PLA2G4F: variants seen among roughly 807,000 people sequenced by gnomAD.
PLA2G4F encodes cytosolic phospholipase A2 zeta.
A neutral mutation model predicts 103.1 loss-of-function variants in PLA2G4F; 105 were observed. The ratio of observed to expected loss-of-function variants is 1.02; its 90% CI spans 0.87 to 1.20. PLA2G4F has a LOEUF of 1.20. PLA2G4F is among the 50% of genes most tolerant of loss of function. The probability of loss-of-function intolerance (pLI) is 0.00; values close to 1 mark genes in which losing one functional copy is unlikely to be tolerated. For missense variants in PLA2G4F, 1,155 were observed against 1,075.9 expected (o/e 1.07, Z -1.03); for synonymous variants, 468 against 441.1 (o/e 1.06, Z -0.76).
rs1334744330 is a variant in PLA2G4F, at chr15:42,147,657, TCA to T, written c.1163_1164del (p.Val388AspfsTer32). Reference sequence around the variant, plus strand: ...GACCCAGAGACCCCACTCAGGTAGGTCACAGTGTCTAGAAGGCCGAGCTCCTG... The same window carrying T: ...GACCCAGAGACCCCACTCAGGTAGGTCAGTGTCTAGAAGGCCGAGCTCCTG... ...GLQELGLLDT[V>X]TYLSGVSGST... On this transcript the variant is annotated frameshift_variant, in exon 12 of 20. Transcript: ENST00000397272. LOFTEE classifies it high-confidence loss of function. The T allele has an allele frequency of 1.9e-6, 3 of 1,614,060 alleles. No individual in the cohort carries two copies. Among genetic ancestry groups the T allele is most frequent in the Admixed American group, 1.7e-5 (1 of 60,020 alleles).
intron 2 of PLA2G4F, among the ~76,000 whole-genome samples, chr15:42,155,208 C>T (rs2049003615): frequency 6.6e-6 from 1 of 151,886 alleles, no homozygotes; most frequent in Non-Finnish European, 1.5e-5. Flanking sequence ...CACATTTGCA[C>T]TCACACACTC....
Position 42,156,489 on chromosome 15 carries a change from C to A in PLA2G4F, c.61G>T (p.Val21Leu). 6.4e-7 allele frequency: 1 copy of A among 1,565,228 alleles called. No individual in the cohort carries two copies. The highest frequency in any genetic ancestry group is 1.3e-5 in the African/African-American group (1 of 74,082). ...CTCTTCTCTCTCTTCTGAAGCAGCA[C>A]TGCCCCCAGGAGGGGCAGCATCTTG... ...ADKMLPLLGA[V>L]LLQKREKRGP... The change falls in exon 1 of 20, where the codon GTG becomes TTG. Residue 21 changes from valine to leucine, a missense_variant. By Grantham distance (32) the Val-to-Leu change is conservative. Around this residue, in one of 3 missense-constraint regions of PLA2G4F, gnomAD observed 370 missense variants for 364.9 expected, o/e 1.01. Coordinates refer to ENST00000397272, the MANE Select transcript of PLA2G4F (RefSeq NM_213600.4).
chr15:42,148,666 C>T (rs1160060317), intron 11 of PLA2G4F: 2 of 985,260 alleles, frequency 2.0e-6, no homozygotes, highest in East Asian at 2.3e-4. Context: ...CAGCCTAGAC[C>T]TGCCCCCAGG....
intron 2 of PLA2G4F, 97 bp downstream of exon 2, chr15:42,155,420 T>G (rs1226941827): frequency 1.6e-6 from 2 of 1,290,270 alleles, no homozygotes; most frequent in Non-Finnish European, 2.2e-6. Context: ...CCATGTATAC[T>G]CTTACACACA....
At position 42,142,407 on chromosome 15, in the gene PLA2G4F, C is replaced by G. The variant is rs1256042920; in HGVS notation, c.2329+121G>C. 2.3e-6 allele frequency: 3 copies of G among 1,298,674 alleles called. No individual in the cohort carries two copies. The African/African-American group carries it at 4.5e-5, about 19-fold the overall frequency. 80.4% of individuals were successfully genotyped at this position (1,298,674 alleles called of 1,614,324 possible). ...CCAGGGAGCAGAGGGCCACAGGGGC[C>G]AGCTCAGGCCCACCAGGAGGCGTGC... On this transcript the variant is annotated intron_variant, in intron 19 of 19. Transcript: ENST00000397272.
chr15:42,152,504 CTT>C (rs564148155), intron 7 of PLA2G4F, among the ~76,000 whole-genome samples, 182 bp downstream of exon 7: 150 of 152,364 alleles, frequency 9.8e-4, no homozygotes, highest in Non-Finnish European at 1.6e-3. Flanking sequence ...GATACAACCT[CTT>C]TGCTCGAACA....
chr15:42,155,639 C>A (rs2049008197), intron 1 of PLA2G4F, 50 bp from the exon 2 acceptor site: 1 of 1,566,482 alleles, frequency 6.4e-7, no homozygotes, highest in South Asian at 1.1e-5. Context: ...GAGCCTGGTC[C>A]CTCGCCCCAT....
chr15:42,144,209 T>C (rs933366513), intron 17 of PLA2G4F, 65 bp from the exon 18 acceptor site: 1 of 1,518,830 alleles, frequency 6.6e-7, no homozygotes, highest in Non-Finnish European at 8.9e-7. Context: ...ACCGCTTCTG[T>C]ATTTGCATTC....
chr15:42,153,267 C>G (rs1463871347), intron 6 of PLA2G4F, 33 bp downstream of exon 6: 1 of 1,609,730 alleles, frequency 6.2e-7, no homozygotes, highest in African/African-American at 1.3e-5. Flanking sequence ...CCCCCCAGCC[C>G]AGAACAGCGC....
At position 42,154,187 on chromosome 15, in the gene PLA2G4F, T is replaced by A; in HGVS notation, c.355A>T (p.Ile119Phe). Residue 119 changes from isoleucine to phenylalanine, a missense_variant, in exon 4 of 20, where the codon ATC (isoleucine) becomes TTC (phenylalanine). Ile to Phe is a conservative substitution (Grantham distance 21, BLOSUM62 0). Transcript: ENST00000397272. Reference sequence around the variant, plus strand: ...AGAGAGAGCTGGTCGCTGCCCAGGATGTCCTTGTCATAGAGGGTGAGCTCC... The same window carrying A: ...AGAGAGAGCTGGTCGCTGCCCAGGAAGTCCTTGTCATAGAGGGTGAGCTCC... ...VLELTLYDKDILGSDQLSLLL... is the reference protein window; with the variant it reads ...VLELTLYDKDFLGSDQLSLLL... 6.2e-7 allele frequency: 1 copy of A among 1,614,212 alleles called. No homozygotes were observed. The highest frequency in any genetic ancestry group is 8.5e-7 in the Non-Finnish European group (1 of 1,180,040).
rs1206279835 is a variant in PLA2G4F at position 42,154,444 on chromosome 15, AGTC to A, written c.196_198del (p.Asp66del). On this transcript the variant is annotated inframe_deletion, in exon 3 of 20. Coordinates refer to ENST00000397272, the MANE Select transcript of PLA2G4F (RefSeq NM_213600.4). ...GTGGGCAGCCACAGTTGCACATAGC[AGTC>A]GGCTTTGGACACTGCAGGTAGGACA... 6.3e-7 allele frequency: 1 copy of A among 1,597,314 alleles called. No homozygotes were observed. Among genetic ancestry groups the A allele is most frequent in the Non-Finnish European group, 8.5e-7 (1 of 1,169,946 alleles).
chr15:42,154,330 C>A lies in PLA2G4F; in HGVS notation c.313G>T (p.Ala105Ser). 6.2e-7 allele frequency: 1 copy of A among 1,608,544 alleles called. No homozygotes were observed. Among genetic ancestry groups the A allele is most frequent in the South Asian group, 1.1e-5 (1 of 90,470 alleles). The change falls in exon 3 of 20, where the codon GCT (alanine) becomes TCT (serine). Residue 105 changes from alanine to serine, a missense_variant. Coordinates refer to ENST00000397272, the MANE Select transcript of PLA2G4F (RefSeq NM_213600.4). ...CCCTGGCTGGCCCTCACCTTCACAG[C>A]ACCATGGATCTGGTAGTGGAAGGTC... The part of the protein sequence containing the change: ...NETFHYQIHG[A>S]VKNVLELTLY...
rs1257672512 is a variant in PLA2G4F at position 42,147,606 on chromosome 15, C to A, written c.1196+20G>T. On this transcript the variant is annotated intron_variant, in intron 12 of 19. Transcript: ENST00000397272. Reference sequence around the variant, plus strand: ...TTGTGGGGTCTCCTTTACCCTGTGCCCTGCCCCCACCTCACTTACCAGGTA... The same window carrying A: ...TTGTGGGGTCTCCTTTACCCTGTGCACTGCCCCCACCTCACTTACCAGGTA... The A allele has an allele frequency of 1.2e-6, 2 of 1,613,332 alleles. No individual in the cohort carries two copies. Among genetic ancestry groups the A allele is most frequent in the Non-Finnish European group, 8.5e-7 (1 of 1,179,484 alleles).
intron 10 of PLA2G4F, 114 bp from the exon 11 acceptor site, chr15:42,149,962 C>G: frequency 1.3e-6 from 2 of 1,526,614 alleles, no homozygotes; most frequent in Non-Finnish European, 1.8e-6. Context: ...GATCCGCCCA[C>G]CAGCACCAGA....
intron 7 of PLA2G4F, 155 bp from the exon 8 acceptor site, chr15:42,150,932 G>A (rs2048954629): frequency 3.0e-6 from 3 of 985,296 alleles, no homozygotes; most frequent in African/African-American, 1.7e-5. Flanking sequence ...ACTGCTCATA[G>A]AGAAAGCCTC....
intron 7 of PLA2G4F, chr15:42,151,643 A>G: frequency 1.0e-6 from 1 of 985,374 alleles, no homozygotes; most frequent in Non-Finnish European, 1.2e-6. Flanking sequence ...CGGAGACTCG[A>G]CATGACCAAG....
At position 42,155,024 on chromosome 15, in the gene PLA2G4F, G is replaced by A. The variant is rs189807935; in HGVS notation, c.184+493C>T. ...CACACACACGTATATACACACACTCGTACTCAGTCACACACACTGGCACTC... is the reference window on the plus strand; with the variant it reads ...CACACACACGTATATACACACACTCATACTCAGTCACACACACTGGCACTC... On this transcript the variant is annotated intron_variant, in intron 2 of 19. Coordinates refer to ENST00000397272, the MANE Select transcript of PLA2G4F (RefSeq NM_213600.4). Among the ~76,000 whole-genome samples, 339 of 151,552 alleles carry A rather than the reference G, an allele frequency of 2.2e-3. 1 individual carries two copies. The highest frequency in any genetic ancestry group is 7.6e-3 in the African/African-American group (313 of 41,292).
Position 42,145,776 on chromosome 15 carries a change from A to G in PLA2G4F, c.1662T>C (p.Cys554=). ...CCAGCCTCGACTCACCTTGCAGGTA[A>G]CAGATCCGGGGTTCAGGCTGGAGCT... ...LLQLQPEPRI[C]YLQGMWGSAF... Residue 554 remains cysteine, a synonymous_variant, in exon 15 of 20, where the codon TGT becomes TGC. Coordinates refer to ENST00000397272, the MANE Select transcript of PLA2G4F (RefSeq NM_213600.4). 1 of 1,614,094 alleles carries G rather than the reference A, an allele frequency of 6.2e-7. No homozygotes were observed. Among genetic ancestry groups the G allele is most frequent in the South Asian group, 1.1e-5 (1 of 91,076 alleles).
In PLA2G4F at chr15:42,141,806, T is replaced by C; in HGVS notation, c.*178A>G. On this transcript the variant is annotated 3_prime_UTR_variant, in exon 20 of 20. Coordinates refer to ENST00000397272, the MANE Select transcript of PLA2G4F (RefSeq NM_213600.4). Reference sequence around the variant, plus strand: ...CTCCAAAAACACACAAGGAGAGCCCTGCCCCAGTCCAAGCTGCAATTCTGC... The same window carrying C: ...CTCCAAAAACACACAAGGAGAGCCCCGCCCCAGTCCAAGCTGCAATTCTGC... 1.5e-6 allele frequency: 1 copy of C among 650,960 alleles called. No homozygotes were observed. The highest frequency in any genetic ancestry group is 2.7e-6 in the Non-Finnish European group (1 of 373,946). 40.3% of individuals were successfully genotyped at this position (650,960 alleles called of 1,614,324 possible). A position where few individuals can be genotyped will look rare whatever the true frequency, so the allele number is the denominator to read the frequency against.
Sources: gnomAD v4.1 joint callset for allele counts (sites outside exome capture counted in the v4.1 genomes callset) on GRCh38, gnomAD v4.1.1 for gene constraint, gnomAD v4.1.1 regional missense constraint, MANE v1.5 for transcripts, NCBI Gene and HGNC (gene_info 2026-07-23, HGNC 2026-07-21) for gene names.